The following PLA2G4A variants were observed in gnomAD, a reference collection of about 807,000 sequenced individuals.
PLA2G4A encodes cytosolic phospholipase A2.
A neutral mutation model predicts 81.9 loss-of-function variants in PLA2G4A; 40 were observed. The observed-to-expected ratio is 0.49, with a 90% confidence interval of 0.38 to 0.64. The LOEUF (loss-of-function observed/expected upper bound fraction) is 0.64. PLA2G4A is among the 30% of genes least tolerant of loss of function. The pLI is 0.00. For missense variants in PLA2G4A, 715 were observed against 905.1 expected, an observed-to-expected ratio of 0.79 and a Z score of 2.69; for synonymous variants, 302 against 296.9, an observed-to-expected ratio of 1.02 and a Z score of -0.18.
intron 2 of PLA2G4A, among the ~76,000 whole-genome samples, chr1:186,869,552 T>C (rs1460976106): frequency 6.6e-6 from 1 of 152,194 alleles, no homozygotes; most frequent in Non-Finnish European, 1.5e-5. Context: ...TCTACACTTT[T>C]GACAATTTTT....
rs775394523 is a variant in PLA2G4A, at chr1:186,893,170, C to A, written c.264+11C>A. The stretch of plus-strand genomic sequence containing the variant: ...GAAAATGTTTTGGAGGTAAGTGAAC[C>A]ATTTGGATGCTGTTAGATGGTTGTG... On this transcript the variant is annotated intron_variant, in intron 4 of 17. Coordinates refer to ENST00000367466, the MANE Select transcript of PLA2G4A (RefSeq NM_024420.3). The A allele has an allele frequency of 6.2e-7, 1 of 1,606,084 alleles. No homozygotes were observed. Among genetic ancestry groups the A allele is most frequent in the Non-Finnish European group, 8.5e-7 (1 of 1,172,908 alleles).
At chr1:186,873,740 A>G (rs1653369608) in intron 3 of PLA2G4A, among the ~76,000 whole-genome samples, 1 of 152,098 alleles carries the variant, frequency 6.6e-6, no homozygotes, top group Non-Finnish European at 1.5e-5. Flanking sequence ...AAAATCAGCA[A>G]CAACCAATAA....
At chr1:186,861,460 T>C (rs1429165597) in intron 2 of PLA2G4A, among the ~76,000 whole-genome samples, 1 of 152,202 alleles carries the variant, frequency 6.6e-6, no homozygotes, top group Non-Finnish European at 1.5e-5. Flanking sequence ...TCCTATCTAG[T>C]TAGTTCTTTC....
At chr1:186,975,165 G>C (rs2102291917) in intron 15 of PLA2G4A, among the ~76,000 whole-genome samples, 1 of 152,260 alleles carries the variant, frequency 6.6e-6, no homozygotes, top group South Asian at 2.1e-4. Context: ...TGCTGGACAA[G>C]AAATAACAAG....
rs759854632 is a variant in PLA2G4A at position 186,946,659 on chromosome 1, C to T, written c.1056C>T (p.Tyr352=). The T allele has an allele frequency of 2.9e-5, 46 of 1,610,790 alleles. No homozygotes were observed. The East Asian group carries it at 3.1e-4, about 11-fold the overall frequency. Residue 352 remains tyrosine (Y), a synonymous_variant, in exon 11 of 18, where the codon TAC becomes TAT. Transcript: ENST00000367466. The part of the protein sequence containing the change: ...MFADWVEFSP[Y]EIGMAKYGTF... ...CAGATTGGGTTGAATTTAGTCCATA[C>T]GAAATTGGCATGGCTAAATATGGTA...
intron 2 of PLA2G4A, among the ~76,000 whole-genome samples, chr1:186,861,108 C>T (rs907049835): frequency 5.4e-4 from 82 of 151,916 alleles, no homozygotes; most frequent in African/African-American, 1.7e-3. Context: ...TATTTGCTTC[C>T]GTCAGGCCCC....
At chr1:186,834,581 C>T (rs560326388) in intron 1 of PLA2G4A, among the ~76,000 whole-genome samples, 12 of 152,140 alleles carry the variant, frequency 7.9e-5, no homozygotes, top group African/African-American at 2.9e-4. Flanking sequence ...ATAACTCAAT[C>T]GTTCTGCCCT....
At chr1:186,976,436 T>C (rs1657532811) in intron 15 of PLA2G4A, among the ~76,000 whole-genome samples, 1 of 152,216 alleles carries the variant, frequency 6.6e-6, no homozygotes, top group Non-Finnish European at 1.5e-5. Flanking sequence ...TTATTAAACA[T>C]TTGCATAGCA....
At chr1:186,919,621 G>A (rs1246984305) in intron 7 of PLA2G4A, among the ~76,000 whole-genome samples, 4 of 152,256 alleles carry the variant, frequency 2.6e-5, no homozygotes, top group African/African-American at 4.8e-5. Flanking sequence ...TGGGGAAGCC[G>A]GGTCCAAGTG....
At chr1:186,941,867 T>A (rs1238153685) in intron 10 of PLA2G4A, among the ~76,000 whole-genome samples, 1 of 152,192 alleles carries the variant, frequency 6.6e-6, no homozygotes, top group Non-Finnish European at 1.5e-5. Context: ...AGTTATATAA[T>A]CTACGTTAGA....
At position 186,975,524 on chromosome 1, in the gene PLA2G4A, AT is replaced by A. The variant is rs1657500573; in HGVS notation, c.1765-2065del. Among the ~76,000 whole-genome samples the A allele has an allele frequency of 2.0e-5, 3 of 152,332 alleles. No individual in the cohort carries two copies. The South Asian group carries it at 6.2e-4, about 32-fold the overall frequency. On this transcript the variant is annotated intron_variant, in intron 15 of 17. Transcript: ENST00000367466. ...ATGTAAACTACTGAGGTCTTTATACATTTTATCATTTAATCCTCTCAGCAAT... is the reference window on the plus strand; with the variant it reads ...ATGTAAACTACTGAGGTCTTTATACATTTATCATTTAATCCTCTCAGCAAT...
intron 10 of PLA2G4A, among the ~76,000 whole-genome samples, chr1:186,943,080 A>G (rs2143998): frequency 0.21 from 32,044 of 152,196 alleles, 3,922 homozygotes; most frequent in Admixed American, 0.33. Flanking sequence ...GTGGCTGTGT[A>G]GAAGAAAAAG....
chr1:186,970,266 C>T (rs1657303658), intron 15 of PLA2G4A, among the ~76,000 whole-genome samples: 1 of 151,650 alleles, frequency 6.6e-6, no homozygotes, highest in South Asian at 2.1e-4. Context: ...ATTGTTTTTC[C>T]TATTGAGTTG....
At chr1:186,958,216 T>C (rs1341729876) in intron 14 of PLA2G4A, among the ~76,000 whole-genome samples, 1 of 152,216 alleles carries the variant, frequency 6.6e-6, no homozygotes, top group Admixed American at 6.5e-5. Flanking sequence ...TATATACCGG[T>C]AATCCCAACA....
At chr1:186,847,772 G>A (rs1452376549) in intron 1 of PLA2G4A, among the ~76,000 whole-genome samples, 1 of 151,852 alleles carries the variant, frequency 6.6e-6, no homozygotes, top group Non-Finnish European at 1.5e-5. Flanking sequence ...GAGATCTGGA[G>A]AGGAATATGC....
intron 2 of PLA2G4A, among the ~76,000 whole-genome samples, chr1:186,855,728 A>G (rs996197302): frequency 9.2e-5 from 14 of 152,060 alleles, no homozygotes; most frequent in Non-Finnish European, 1.9e-4. Flanking sequence ...CATCATTTGA[A>G]TGTCACAAGC....
At chr1:186,980,534 G>C (rs1276833052) in intron 17 of PLA2G4A, among the ~76,000 whole-genome samples, 1 of 152,146 alleles carries the variant, frequency 6.6e-6, no homozygotes, top group Non-Finnish European at 1.5e-5. Context: ...AAATTAAATG[G>C]AGAAGGAAAG....
At chr1:186,838,047 G>A (rs186379239) in intron 1 of PLA2G4A, among the ~76,000 whole-genome samples, 132 of 152,236 alleles carry the variant, frequency 8.7e-4, no homozygotes, top group Middle Eastern at 3.4e-3. Context: ...GCTAAGAGTG[G>A]GAGTTGGGGT....
intron 1 of PLA2G4A, among the ~76,000 whole-genome samples, chr1:186,829,383 T>A (rs1457394403): frequency 6.6e-6 from 1 of 152,168 alleles, no homozygotes; most frequent in East Asian, 1.9e-4. Context: ...TGGTTACTGA[T>A]CCCCAAACTT....
Sources: allele counts gnomAD v4.1 joint callset (sites outside exome capture counted in the v4.1 genomes callset), GRCh38; gene constraint gnomAD v4.1.1; transcripts MANE v1.5; gene names NCBI Gene and HGNC (gene_info 2026-07-23, HGNC 2026-07-21).